Variants in TAS1R2 observed in about 807,000 individuals in gnomAD.
The protein encoded by TAS1R2 is taste receptor type 1 member 2.
TAS1R2 carries 47 observed loss-of-function variants against 49.3 expected under a neutral mutation model. The observed-to-expected ratio is 0.95, with a 90% confidence interval of 0.75 to 1.22. The LOEUF is 1.22. Ranked by LOEUF, TAS1R2 falls within the 50% of genes most tolerant of loss-of-function variation. The pLI is 0.00. For missense variants in TAS1R2, 1,155 were observed against 1,122.1 expected (o/e 1.03, Z -0.42); for synonymous variants, 479 against 467.9 (o/e 1.02, Z -0.31).
intron 2 of TAS1R2, 28 bp from the exon 3 acceptor site, chr1:18,855,014 C>T (rs764468495): frequency 1.7e-5 from 27 of 1,586,338 alleles, no homozygotes; most frequent in South Asian, 8.0e-5. Context: ...GTGGCATGAG[C>T]GAGTGCCCCG....
At chr1:18,840,674 A>T (rs1000462739) in intron 5 of TAS1R2, 147 bp from the exon 6 acceptor site, 1 of 761,816 alleles carries the variant, frequency 1.3e-6, no homozygotes, top group African/African-American at 1.7e-5. Context: ...CTCAAGTCTC[A>T]TGTGCATTGG....
intron 5 of TAS1R2, 54 bp downstream of exon 5, chr1:18,841,675 C>T: frequency 1.9e-6 from 3 of 1,577,570 alleles, no homozygotes; most frequent in Non-Finnish European, 2.6e-6. Context: ...ACTCCAGGGG[C>T]AGGGCAGGGG....
chr1:18,851,819 A>G (rs1486013250), intron 3 of TAS1R2, among the ~76,000 whole-genome samples: 1 of 151,670 alleles, frequency 6.6e-6, no homozygotes, highest in Non-Finnish European at 1.5e-5. Flanking sequence ...CATCCCCACT[A>G]CCCCAGCACT....
intron 3 of TAS1R2, among the ~76,000 whole-genome samples, chr1:18,853,076 G>A (rs957512141): frequency 2.6e-5 from 4 of 152,202 alleles, no homozygotes; most frequent in African/African-American, 9.6e-5. Context: ...AGAAGGTGAA[G>A]TGGGAAAACC....
In TAS1R2 at chr1:18,840,172, G is replaced by A. The variant is rs115672344; in HGVS notation, c.1947C>T (p.Ala649=). 5,584 of 1,614,248 alleles carry A rather than the reference G, an allele frequency of 3.5e-3. 15 individuals are homozygous for A. The highest frequency in any genetic ancestry group is 4.1e-3 in the Non-Finnish European group (4,818 of 1,180,040). Residue 649 remains alanine, a synonymous_variant, in exon 6 of 6, where the codon GCC becomes GCT. Transcript: ENST00000375371. The stretch of plus-strand genomic sequence containing the variant: ...CGCAGACGATCTGGAAAGAACGCAC[G>A]GCGATACAGGAGATGCAGATTGTGA...
At chr1:18,846,561 C>T (rs993748353) in intron 4 of TAS1R2, among the ~76,000 whole-genome samples, 1 of 152,280 alleles carries the variant, frequency 6.6e-6, no homozygotes, top group Non-Finnish European at 1.5e-5. Flanking sequence ...GAACTATATC[C>T]TGCTTAAAGT....
At chr1:18,849,653 C>T in intron 3 of TAS1R2, 103 bp from the exon 4 acceptor site, 1 of 1,306,896 alleles carries the variant, frequency 7.7e-7, no homozygotes, top group Non-Finnish European at 1.1e-6. Flanking sequence ...GCCTTGATTT[C>T]CAACTCTGTA....
chr1:18,859,017 A>G (rs1478380094), intron 1 of TAS1R2, among the ~76,000 whole-genome samples: 2 of 152,056 alleles, frequency 1.3e-5, no homozygotes, highest in Non-Finnish European at 2.9e-5. Context: ...CTCAGGGAGG[A>G]GGTGGGGGAA....
chr1:18,846,090 C>G (rs1933916128), intron 4 of TAS1R2, among the ~76,000 whole-genome samples: 1 of 152,200 alleles, frequency 6.6e-6, no homozygotes, highest in East Asian at 1.9e-4. Flanking sequence ...TTTTCTCAAC[C>G]CACTGTTTAT....
intron 4 of TAS1R2, among the ~76,000 whole-genome samples, chr1:18,843,546 C>G (rs1933864904): frequency 6.6e-6 from 1 of 152,214 alleles, no homozygotes; most frequent in Non-Finnish European, 1.5e-5. Context: ...AGAAGGCTTT[C>G]AGTTTCAAGG....
intron 3 of TAS1R2, 89 bp from the exon 4 acceptor site, chr1:18,849,639 AT>A: frequency 7.1e-7 from 1 of 1,409,606 alleles, no homozygotes. Context: ...CTACCATTCC[AT>A]TAGCCTTGAT....
chr1:18,843,980 A>G (rs1933873191), intron 4 of TAS1R2, among the ~76,000 whole-genome samples: 1 of 152,232 alleles, frequency 6.6e-6, no homozygotes, highest in African/African-American at 2.4e-5. Context: ...TCTCCCTCAA[A>G]TCATACCTAA....
At chr1:18,859,616 T>C (rs757465517) in exon 1 of TAS1R2, 74 of 1,613,992 alleles carry the variant, frequency 4.6e-5, no homozygotes, top group Non-Finnish European at 2.3e-5. Flanking sequence ...CCAGGACCCA[T>C]AGGAGGAAGA....
chr1:18,841,517 C>T (rs949084527), intron 5 of TAS1R2, among the ~76,000 whole-genome samples: 2 of 152,208 alleles, frequency 1.3e-5, no homozygotes, highest in Non-Finnish European at 2.9e-5. Flanking sequence ...TTCTCCCTCC[C>T]TCTCTGAAGC....
In TAS1R2 at chr1:18,854,123, A is replaced by G; in HGVS notation, c.1257+90T>C. The G allele has an allele frequency of 7.8e-7, 1 of 1,279,260 alleles. No homozygotes were observed. Among genetic ancestry groups the G allele is most frequent in the African/African-American group, 1.5e-5 (1 of 67,374 alleles). The allele number at this position is 1,279,260 out of a possible 1,614,324, so 79.2% of individuals were successfully genotyped here. On this transcript the variant is annotated intron_variant, in intron 3 of 5. Coordinates refer to ENST00000375371, the Ensembl canonical transcript of TAS1R2. The surrounding 1 kb of genome is among the most constrained non-coding windows in gnomAD (Gnocchi z 4.9). ...AGTGCTATGTGTCTGGAAGAATGGG[A>G]TACTCATGCCCTTTCACACCCATTT...
intron 2 of TAS1R2, among the ~76,000 whole-genome samples, chr1:18,856,107 G>A (rs1934133564): frequency 6.6e-6 from 1 of 152,130 alleles, no homozygotes; most frequent in African/African-American, 2.4e-5. Context: ...CCCAGGAAAA[G>A]CCAGTCCTTG....
At chr1:18,847,915 T>G (rs1933951821) in intron 4 of TAS1R2, among the ~76,000 whole-genome samples, 2 of 152,228 alleles carry the variant, frequency 1.3e-5, no homozygotes, top group South Asian at 4.1e-4. Flanking sequence ...ACGTCTTAAA[T>G]GGATAGCAGC....
At position 18,854,474 on chromosome 1, in the gene TAS1R2, G is replaced by A; in HGVS notation, c.996C>T (p.Ile332=). The change falls in exon 3 of 6, where the codon ATC becomes ATT. Residue 332 remains isoleucine (I), a synonymous_variant. Coordinates refer to ENST00000375371, the Ensembl canonical transcript of TAS1R2. This position sits in a 1 kb window ranked among gnomAD's most constrained non-coding sequence, Gnocchi z 4.9. ...ACTCGCGGAACTCACTGAAGCCCGG[G>A]ATGGGCACGCTCTGGATGGTGATGC... The A allele has an allele frequency of 6.2e-7, 1 of 1,614,160 alleles. No individual in the cohort carries two copies. Among genetic ancestry groups the A allele is most frequent in the South Asian group, 1.1e-5 (1 of 91,084 alleles).
chr1:18,840,523 T>G, exon 6 of TAS1R2: 1 of 1,614,180 alleles, frequency 6.2e-7, no homozygotes, highest in Non-Finnish European at 8.5e-7. Flanking sequence ...GGCATTCATA[T>G]TCATCTGCAA....
Sources: gnomAD v4.1 joint callset for allele counts (sites outside exome capture counted in the v4.1 genomes callset) on GRCh38, gnomAD v4.1.1 for gene constraint, Gnocchi (gnomAD v3.1) non-coding constraint, MANE v1.5 for transcripts, NCBI Gene and HGNC (gene_info 2026-07-23, HGNC 2026-07-21) for gene names.